The following ZNF804B variants were observed in gnomAD, a reference collection of about 807,000 sequenced individuals.
ZNF804B encodes zinc finger protein 804B.
In ZNF804B, 80 loss-of-function variants were observed where a neutral mutation model predicts 101.4. The observed-to-expected ratio is 0.79, with a 90% confidence interval of 0.66 to 0.95. The LOEUF is 0.95. Among genes scored for constraint, ZNF804B ranks in the 40% least tolerant of loss-of-function variants. The pLI is 0.00. For synonymous variants in ZNF804B, 622 were observed against 558.8 expected (o/e 1.11, Z -1.59); for missense variants, 1,673 against 1,561.9 (o/e 1.07, Z -1.20).
intron 1 of ZNF804B, among the ~76,000 whole-genome samples, chr7:88,852,667 T>G (rs2115831816): frequency 6.6e-6 from 1 of 152,262 alleles, no homozygotes; most frequent in African/African-American, 2.4e-5. Context: ...TCCATTATGA[T>G]TTAAGCAGTG....
At position 89,256,540 on chromosome 7, in the gene ZNF804B, C is replaced by CAA. The variant is rs71526639; in HGVS notation, c.249+38258_249+38259dup. Among the ~76,000 whole-genome samples the CAA allele has an allele frequency of 9.8e-4, 117 of 118,822 alleles. 2 individuals carry two copies. The highest frequency in any genetic ancestry group is 9.3e-3 in the Middle Eastern group (2 of 216). The allele number at this position is 118,822 out of a possible 152,430, so 78.0% of individuals were successfully genotyped here. A position where few individuals can be genotyped will look rare whatever the true frequency, so the allele number is the denominator to read the frequency against. On this transcript the variant is annotated intron_variant, in intron 2 of 3. Transcript: ENST00000333190. The stretch of plus-strand genomic sequence containing the variant: ...AGCCTAGGCAACAGAGCAAGACTGT[C>CAA]AAAAAAAAAAAAAAGTGGACTAGTT...
chr7:88,936,214 A>C (rs1792968022), intron 1 of ZNF804B, among the ~76,000 whole-genome samples: 1 of 152,042 alleles, frequency 6.6e-6, no homozygotes, highest in African/African-American at 2.4e-5. Flanking sequence ...TGTTCCCAGC[A>C]TTACACTATC....
chr7:89,035,966 ATAT>A (rs1288979706), intron 1 of ZNF804B, among the ~76,000 whole-genome samples: 1 of 145,170 alleles, frequency 6.9e-6, no homozygotes, highest in Non-Finnish European at 1.5e-5. Flanking sequence ...TATACAATAC[ATAT>A]TATATATTGT....
intron 1 of ZNF804B, among the ~76,000 whole-genome samples, chr7:89,028,183 TAGTA>T (rs1788779739): frequency 6.6e-6 from 1 of 152,138 alleles, no homozygotes; most frequent in African/African-American, 2.4e-5. Flanking sequence ...ATAATATAAA[TAGTA>T]AGGAATACCC....
chr7:89,038,628 A>G (rs1788964711), intron 1 of ZNF804B, among the ~76,000 whole-genome samples: 1 of 151,966 alleles, frequency 6.6e-6, no homozygotes, highest in Non-Finnish European at 1.5e-5. Context: ...TCTTTACTCT[A>G]TTGATTTGTT....
At chr7:88,799,720 G>T (rs1271614193) in intron 1 of ZNF804B, among the ~76,000 whole-genome samples, 1 of 152,046 alleles carries the variant, frequency 6.6e-6, no homozygotes, top group East Asian at 1.9e-4. Flanking sequence ...GATTTCAGGA[G>T]CTTAGAGTCA....
intron 1 of ZNF804B, among the ~76,000 whole-genome samples, chr7:88,904,900 T>C (rs1562828043): frequency 6.6e-6 from 1 of 152,160 alleles, no homozygotes; most frequent in Non-Finnish European, 1.5e-5. Flanking sequence ...TGAAAAGAGA[T>C]AGTTTGACGT....
intron 1 of ZNF804B, among the ~76,000 whole-genome samples, chr7:89,119,239 A>G (rs1464683165): frequency 1.3e-5 from 2 of 152,220 alleles, no homozygotes; most frequent in Non-Finnish European, 2.9e-5. Context: ...ATTAAAAATT[A>G]TTGATGGCTT....
chr7:89,180,697 T>C (rs1788284865), intron 1 of ZNF804B, among the ~76,000 whole-genome samples: 1 of 151,302 alleles, frequency 6.6e-6, no homozygotes, highest in Non-Finnish European at 1.5e-5. Flanking sequence ...TGGAAGAAAA[T>C]AGTCTCTCCT....
intron 1 of ZNF804B, among the ~76,000 whole-genome samples, chr7:88,767,465 G>A (rs987871499): frequency 3.9e-5 from 6 of 152,114 alleles, no homozygotes; most frequent in African/African-American, 1.4e-4. Context: ...GTTCTCTAAC[G>A]TCTTCCTTGG....
chr7:89,209,912 G>A (rs573378811), intron 1 of ZNF804B, among the ~76,000 whole-genome samples: 1 of 152,268 alleles, frequency 6.6e-6, no homozygotes, highest in African/African-American at 2.4e-5. Flanking sequence ...ACTTTGGGAG[G>A]CTGAGGCAGG....
At chr7:88,779,510 C>A (rs899770319) in intron 1 of ZNF804B, among the ~76,000 whole-genome samples, 36 of 152,220 alleles carry the variant, frequency 2.4e-4, no homozygotes, top group African/African-American at 8.4e-4. Context: ...GAGTAACATG[C>A]AGGAAGCACT....
At chr7:89,300,315 C>A (rs1018063502) in intron 2 of ZNF804B, among the ~76,000 whole-genome samples, 3 of 151,730 alleles carry the variant, frequency 2.0e-5, no homozygotes, top group African/African-American at 7.3e-5. Context: ...CATTTTCTAG[C>A]CTTATAAATG....
At chr7:88,760,191 T>A (rs1400304756) in intron 1 of ZNF804B, 107 bp downstream of exon 1, 3 of 869,316 alleles carry the variant, frequency 3.5e-6, no homozygotes, top group Non-Finnish European at 1.9e-6. Flanking sequence ...GGTGGACATC[T>A]AAAACGTATA....
At chr7:89,086,037 A>G (rs1410021437) in intron 1 of ZNF804B, among the ~76,000 whole-genome samples, 1 of 151,932 alleles carries the variant, frequency 6.6e-6, no homozygotes, top group Non-Finnish European at 1.5e-5. Context: ...TTCTGCTTTA[A>G]TCTTCCATGA....
intron 1 of ZNF804B, among the ~76,000 whole-genome samples, chr7:88,879,474 G>T (rs1458631265): frequency 1.3e-5 from 2 of 152,196 alleles, no homozygotes. Flanking sequence ...ATGTGAAGAA[G>T]TATGAAGTTA....
At position 88,974,308 on chromosome 7, in the gene ZNF804B, G is replaced by A. The variant is rs117076948; in HGVS notation, c.108+214224G>A. Among the ~76,000 whole-genome samples, 790 of 151,156 alleles carry A rather than the reference G, an allele frequency of 5.2e-3. 4 individuals are homozygous for A. The highest frequency in any genetic ancestry group is 8.1e-3 in the Non-Finnish European group (544 of 67,454). On this transcript the variant is annotated intron_variant, in intron 1 of 3. Coordinates refer to ENST00000333190, the MANE Select transcript of ZNF804B (RefSeq NM_181646.5). ...TAGAGATATTTAAAATACTCAAGTT[G>A]GACAACATGTTGACTACAGTTGACA...
intron 2 of ZNF804B, among the ~76,000 whole-genome samples, chr7:89,244,952 A>C (rs1360089521): frequency 6.6e-6 from 1 of 152,170 alleles, no homozygotes; most frequent in Admixed American, 6.6e-5. Context: ...TTACACTGGC[A>C]AGAGGCAAAT....
intron 1 of ZNF804B, among the ~76,000 whole-genome samples, chr7:88,920,736 T>C (rs1792707282): frequency 6.6e-6 from 1 of 151,972 alleles, no homozygotes; most frequent in Non-Finnish European, 1.5e-5. Context: ...CATTATCTAG[T>C]AAAAAAACTC....
Sources: allele counts gnomAD v4.1 joint callset (sites outside exome capture counted in the v4.1 genomes callset), GRCh38; gene constraint gnomAD v4.1.1; transcripts MANE v1.5; gene names NCBI Gene and HGNC (gene_info 2026-07-23, HGNC 2026-07-21).